Variants in DNAJC3 observed in about 807,000 individuals in gnomAD.
DNAJC3 encodes DnaJ heat shock protein family (Hsp40) member C3.
In DNAJC3, 38 loss-of-function variants were observed where a neutral mutation model predicts 68.6. The ratio of observed to expected loss-of-function variants is 0.55; its 90% CI spans 0.43 to 0.73. The LOEUF (loss-of-function observed/expected upper bound fraction) is 0.73, where lower values mean the gene tolerates loss of function less well. Among genes scored for constraint, DNAJC3 ranks in the 30% least tolerant of loss-of-function variants. DNAJC3 has a pLI of 0.00. For synonymous variants in DNAJC3, 203 were observed against 204.0 expected (o/e 1.00, Z 0.04); for missense variants, 526 against 591.9 (o/e 0.89, Z 1.16).
chr13:95,762,760 C>G (rs1219048758), intron 7 of DNAJC3, among the ~76,000 whole-genome samples: 1 of 152,158 alleles, frequency 6.6e-6, no homozygotes, highest in African/African-American at 2.4e-5. Context: ...CTGATGCTCT[C>G]CCTCCCCTTG....
intron 9 of DNAJC3, among the ~76,000 whole-genome samples, chr13:95,780,899 G>A (rs1217234692): frequency 6.6e-6 from 1 of 152,206 alleles, no homozygotes; most frequent in Admixed American, 6.5e-5. Context: ...TGGCTATATT[G>A]TGAAGGAAAG....
chr13:95,721,779 A>G (rs1881330998), intron 2 of DNAJC3, among the ~76,000 whole-genome samples: 1 of 151,358 alleles, frequency 6.6e-6, no homozygotes, highest in South Asian at 2.1e-4. Context: ...GGCCATTTGT[A>G]TGTCTTCTTT....
chr13:95,775,980 A>C (rs978045442), intron 9 of DNAJC3, among the ~76,000 whole-genome samples: 3 of 150,746 alleles, frequency 2.0e-5, no homozygotes, highest in African/African-American at 7.4e-5. Flanking sequence ...CTGTGAAGAT[A>C]CTCTTTTTAT....
chr13:95,708,494 T>A (rs151221095), intron 1 of DNAJC3, among the ~76,000 whole-genome samples: 1 of 152,326 alleles, frequency 6.6e-6, no homozygotes, highest in African/African-American at 2.4e-5. Context: ...CTGGAACATA[T>A]CTGCATGCTC....
intron 11 of DNAJC3, among the ~76,000 whole-genome samples, chr13:95,787,947 C>T (rs1370580881): frequency 6.6e-6 from 1 of 152,098 alleles, no homozygotes; most frequent in Non-Finnish European, 1.5e-5. Context: ...TTGTGGCCTT[C>T]CATGTCAGTG....
intron 4 of DNAJC3, among the ~76,000 whole-genome samples, chr13:95,743,628 G>C (rs1882215517): frequency 1.3e-5 from 2 of 152,048 alleles, no homozygotes; most frequent in Non-Finnish European, 2.9e-5. Context: ...CATGATCTCG[G>C]CCCACTGCAA....
chr13:95,760,351 C>A, intron 6 of DNAJC3, 130 bp downstream of exon 6: 2 of 852,424 alleles, frequency 2.3e-6, no homozygotes, highest in African/African-American at 1.8e-5. Context: ...TATTGTATAT[C>A]CATTTATATA....
chr13:95,760,900 G>T, intron 7 of DNAJC3, 102 bp downstream of exon 7: 1 of 1,470,048 alleles, frequency 6.8e-7, no homozygotes, highest in Non-Finnish European at 9.0e-7. Flanking sequence ...GCCATTGAGG[G>T]TGGGGTATTC....
chr13:95,783,563 G>C (rs1305666413), intron 9 of DNAJC3, among the ~76,000 whole-genome samples: 1 of 152,138 alleles, frequency 6.6e-6, no homozygotes, highest in African/African-American at 2.4e-5. Context: ...ACTGGGAGAA[G>C]TTTTTTATGT....
intron 2 of DNAJC3, 53 bp from the exon 3 acceptor site, chr13:95,723,189 A>G: frequency 1.4e-5 from 21 of 1,493,752 alleles, no homozygotes; most frequent in Non-Finnish European, 1.9e-5. Context: ...GTTTTTTTTT[A>G]AATTTTTATT....
At chr13:95,753,696 G>A (rs1287491654) in intron 4 of DNAJC3, among the ~76,000 whole-genome samples, 2 of 152,130 alleles carry the variant, frequency 1.3e-5, no homozygotes, top group African/African-American at 4.8e-5. Context: ...CAGTTTAAGT[G>A]GGCTAATATC....
At chr13:95,684,883 T>C (rs1880029832) in intron 1 of DNAJC3, among the ~76,000 whole-genome samples, 1 of 152,252 alleles carries the variant, frequency 6.6e-6, no homozygotes, top group Non-Finnish European at 1.5e-5. Flanking sequence ...AAGCCAAGAA[T>C]TGAGGCTTGG....
chr13:95,685,839 AGAT>A (rs1880060600), intron 1 of DNAJC3, among the ~76,000 whole-genome samples: 1 of 152,088 alleles, frequency 6.6e-6, no homozygotes, highest in Non-Finnish European at 1.5e-5. Context: ...GACTTGTGTA[AGAT>A]GATTGATATT....
At chr13:95,775,255 A>T (rs1444943061) in intron 9 of DNAJC3, among the ~76,000 whole-genome samples, 1 of 152,214 alleles carries the variant, frequency 6.6e-6, no homozygotes, top group Non-Finnish European at 1.5e-5. Context: ...TAAATTTCTA[A>T]TATTAGTTTA....
At chr13:95,735,595 G>A (rs1407192462) in intron 4 of DNAJC3, among the ~76,000 whole-genome samples, 2 of 151,124 alleles carry the variant, frequency 1.3e-5, no homozygotes, top group African/African-American at 4.9e-5. Context: ...TTTTTCATGT[G>A]TTTTTTGGCC....
chr13:95,721,559 C>G (rs1264519663), intron 2 of DNAJC3, among the ~76,000 whole-genome samples: 1 of 152,124 alleles, frequency 6.6e-6, no homozygotes, highest in African/African-American at 2.4e-5. Flanking sequence ...TTCTCCACAC[C>G]TTGCGAACAT....
At chr13:95,707,047 G>A (rs1174690836) in intron 1 of DNAJC3, among the ~76,000 whole-genome samples, 1 of 152,130 alleles carries the variant, frequency 6.6e-6, no homozygotes, top group Non-Finnish European at 1.5e-5. Context: ...GACTGGGTTG[G>A]GTAGGGGGAG....
At chr13:95,747,048 A>ATTTAAATT (rs1392661583) in intron 4 of DNAJC3, among the ~76,000 whole-genome samples, 6 of 152,188 alleles carry the variant, frequency 3.9e-5, no homozygotes, top group African/African-American at 9.6e-5. Context: ...GCAGTTTTCC[A>ATTTAAATT]TGAGATCCAA....
intron 2 of DNAJC3, among the ~76,000 whole-genome samples, chr13:95,709,926 A>G (rs1880902073): frequency 6.6e-6 from 1 of 152,190 alleles, no homozygotes; most frequent in Non-Finnish European, 1.5e-5. Context: ...GGCGTGAGCC[A>G]CTGCGCCCGG....
Sources: gnomAD v4.1 joint callset for allele counts (sites outside exome capture counted in the v4.1 genomes callset) on GRCh38, gnomAD v4.1.1 for gene constraint, MANE v1.5 for transcripts, NCBI Gene and HGNC (gene_info 2026-07-23, HGNC 2026-07-21) for gene names.